CSMD3: variants seen among roughly 807,000 people sequenced by gnomAD.
CSMD3 encodes the protein CUB and Sushi multiple domains 3, also known as CUB and sushi domain-containing protein 3.
In CSMD3, 177 loss-of-function variants were observed where a neutral mutation model predicts 435.2. The ratio of observed to expected loss-of-function variants is 0.41; its 90% confidence interval spans 0.36 to 0.46. The LOEUF (loss-of-function observed/expected upper bound fraction) is 0.46, where lower values mean the gene tolerates loss of function less well. CSMD3 is among the 20% of genes least tolerant of loss of function. The probability of loss-of-function intolerance (pLI) is 0.34; values close to 1 mark genes in which losing one functional copy is unlikely to be tolerated. For missense variants in CSMD3, 4,265 were observed against 4,504.6 expected, an observed-to-expected ratio of 0.95 and a Z score of 1.52; for synonymous variants, 1,656 against 1,520.5, an observed-to-expected ratio of 1.09 and a Z score of -2.07.
At chr8:113,045,196 C>CA (rs1018477386) in intron 5 of CSMD3, among the ~76,000 whole-genome samples, 1 of 148,892 alleles carries the variant, frequency 6.7e-6, no homozygotes, top group Admixed American at 6.7e-5. Context: ...CAAACAACAA[C>CA]AAAAAAACTG....
intron 13 of CSMD3, among the ~76,000 whole-genome samples, chr8:112,764,648 T>C (rs942997289): frequency 2.6e-5 from 4 of 151,588 alleles, no homozygotes; most frequent in African/African-American, 4.8e-5. Context: ...TTTTATTATA[T>C]TGTTAAAAAT....
At chr8:113,397,705 C>T (rs1475838910) in intron 1 of CSMD3, among the ~76,000 whole-genome samples, 1 of 151,886 alleles carries the variant, frequency 6.6e-6, no homozygotes, top group Admixed American at 6.6e-5. Context: ...GTAGTCCCAG[C>T]TACTCGGGAG....
intron 61 of CSMD3, among the ~76,000 whole-genome samples, chr8:112,256,811 A>T (rs1322527106): frequency 6.6e-6 from 1 of 152,172 alleles, no homozygotes; most frequent in East Asian, 1.9e-4. Context: ...TTAAGTATAA[A>T]TGTTGCCTTA....
At chr8:112,476,515 A>T (rs1819068253) in intron 31 of CSMD3, among the ~76,000 whole-genome samples, 1 of 152,150 alleles carries the variant, frequency 6.6e-6, no homozygotes, top group African/African-American at 2.4e-5. Context: ...AAATTTTTTT[A>T]CATGTAATAT....
intron 4 of CSMD3, among the ~76,000 whole-genome samples, chr8:113,134,745 T>A (rs2091371793): frequency 6.6e-6 from 1 of 152,060 alleles, no homozygotes; most frequent in South Asian, 2.1e-4. Flanking sequence ...TGCTTTATGT[T>A]ACTATAACAG....
intron 10 of CSMD3, among the ~76,000 whole-genome samples, chr8:112,907,984 C>CTA (rs1052282060): frequency 1.3e-5 from 2 of 151,172 alleles, no homozygotes; most frequent in African/African-American, 4.8e-5. Flanking sequence ...TTTTTGGTAG[C>CTA]TATGTTACAT....
chr8:113,434,741 T>C (rs891676946), intron 1 of CSMD3, among the ~76,000 whole-genome samples: 1 of 152,214 alleles, frequency 6.6e-6, no homozygotes, highest in African/African-American at 2.4e-5. Flanking sequence ...CCAAAGTAAA[T>C]TAACGCGCCT....
intron 10 of CSMD3, among the ~76,000 whole-genome samples, chr8:112,877,561 T>C (rs1006386683): frequency 2.6e-5 from 4 of 151,850 alleles, no homozygotes; most frequent in Non-Finnish European, 4.4e-5. Flanking sequence ...AGCCACCATG[T>C]CTGACCTTAA....
At chr8:112,427,395 C>A (rs773349055) in intron 32 of CSMD3, among the ~76,000 whole-genome samples, 5 of 152,036 alleles carry the variant, frequency 3.3e-5, no homozygotes, top group African/African-American at 7.2e-5. Context: ...TGAGTTCTCA[C>A]GAGATCTGAT....
chr8:113,043,847 C>T lies in CSMD3; in HGVS notation c.918-24668G>A, dbSNP rs73351659. ...AATGAAGAACTCTTTGAGAATAAAG[C>T]TGTGATATAAAATTAGACAAATATG... On this transcript the variant is annotated intron_variant, in intron 5 of 70. Coordinates refer to ENST00000297405, the MANE Select transcript of CSMD3 (RefSeq NM_198123.2). 8.3e-3 allele frequency among the ~76,000 whole-genome samples: 1,262 copies of T among 152,064 alleles called. 30 individuals are homozygous for T. The highest frequency in any genetic ancestry group is 0.029 in the African/African-American group (1,194 of 41,520).
intron 9 of CSMD3, among the ~76,000 whole-genome samples, chr8:112,945,568 T>C (rs1282288629): frequency 6.8e-6 from 1 of 147,146 alleles, no homozygotes; most frequent in Admixed American, 7.0e-5. Flanking sequence ...TTGCCAAATA[T>C]AATAAGAGAA....
At chr8:112,775,005 C>T (rs1002160730) in intron 13 of CSMD3, among the ~76,000 whole-genome samples, 4 of 151,774 alleles carry the variant, frequency 2.6e-5, no homozygotes, top group African/African-American at 9.7e-5. Flanking sequence ...GCCTTTGGAG[C>T]CAGGCTTTCA....
chr8:113,181,045 G>C (rs969393270), intron 3 of CSMD3, among the ~76,000 whole-genome samples: 2 of 151,718 alleles, frequency 1.3e-5, no homozygotes, highest in African/African-American at 4.8e-5. Context: ...ATCATTATTT[G>C]TTATTATTTT....
At chr8:112,357,307 T>C (rs1254167618) in intron 38 of CSMD3, among the ~76,000 whole-genome samples, 1 of 152,164 alleles carries the variant, frequency 6.6e-6, no homozygotes, top group Non-Finnish European at 1.5e-5. Flanking sequence ...TTAGGTTATC[T>C]GGAGGAAGAC....
At chr8:112,386,574 T>G (rs1196826782) in intron 36 of CSMD3, among the ~76,000 whole-genome samples, 1 of 152,106 alleles carries the variant, frequency 6.6e-6, no homozygotes, top group Non-Finnish European at 1.5e-5. Context: ...CTTAGCTCAC[T>G]GCAACCTCTG....
chr8:113,126,208 A>G (rs6995059), intron 4 of CSMD3, among the ~76,000 whole-genome samples: 1,528 of 152,074 alleles, frequency 0.01, 20 homozygotes, highest in African/African-American at 0.035. Context: ...TAGATGAGAA[A>G]CAATAAAGCT....
At chr8:112,338,157 T>C (rs1824754473) in intron 42 of CSMD3, among the ~76,000 whole-genome samples, 1 of 152,232 alleles carries the variant, frequency 6.6e-6, no homozygotes, top group Non-Finnish European at 1.5e-5. Context: ...CAGTTTGTTT[T>C]ACTAATTGTT....
intron 1 of CSMD3, among the ~76,000 whole-genome samples, chr8:113,328,374 C>A (rs1280712885): frequency 6.9e-6 from 1 of 145,124 alleles, no homozygotes; most frequent in Non-Finnish European, 1.5e-5. Flanking sequence ...GGAGGCGGAG[C>A]TTGCAGTGAG....
At chr8:113,073,859 T>G (rs2089233839) in intron 5 of CSMD3, among the ~76,000 whole-genome samples, 1 of 151,854 alleles carries the variant, frequency 6.6e-6, no homozygotes, top group African/African-American at 2.4e-5. Flanking sequence ...TCCTAATTAA[T>G]TACAGGCTTT....
Sources: allele counts gnomAD v4.1 joint callset (sites outside exome capture counted in the v4.1 genomes callset), GRCh38; gene constraint gnomAD v4.1.1; transcripts MANE v1.5; gene names NCBI Gene and HGNC (gene_info 2026-07-23, HGNC 2026-07-21).